The following MAOB variants were observed in gnomAD, a reference collection of about 807,000 sequenced individuals.
MAOB encodes the protein amine oxidase [flavin-containing] B.
In MAOB, 15 loss-of-function variants were observed where a neutral mutation model predicts 41.9. The ratio of observed to expected loss-of-function variants is 0.36; its 90% CI spans 0.24 to 0.55. MAOB has a LOEUF of 0.55. Among genes scored for constraint, MAOB ranks in the 20% least tolerant of loss-of-function variants. The pLI is 0.86. For synonymous variants in MAOB, 167 were observed against 144.2 expected (o/e 1.16, Z -1.13); for missense variants, 345 against 398.7 (o/e 0.87, Z 1.15).
intron 8 of MAOB, among the ~76,000 whole-genome samples, chrX:43,788,861 T>C (rs1460834397): frequency 3.6e-5 from 4 of 111,516 alleles, no homozygotes; most frequent in Non-Finnish European, 7.5e-5. Context: ...ATTTCCAGTA[T>C]ATATAGTTCT....
chrX:43,844,574 G>A (rs12115950), intron 1 of MAOB: 12 of 112,408 alleles, frequency 1.1e-4, no homozygotes, highest in African/African-American at 3.9e-4. Context: ...ACTGGCATGG[G>A]AGTTGGCAGA....
intron 3 of MAOB, among the ~76,000 whole-genome samples, chrX:43,829,702 C>T (rs1470554602): frequency 7.1e-5 from 8 of 112,050 alleles, no homozygotes; most frequent in African/African-American, 2.6e-4. Context: ...TTTGTGATGA[C>T]AGATGTTTGA....
rs74980273 is a variant in MAOB, at chrX:43,780,361, G to A, written c.1060C>T (p.Arg354Cys). The change falls in exon 10 of 15, where the codon CGT (arginine) becomes TGT (cysteine). Residue 354 changes from arginine to cysteine, a missense_variant. Arg to Cys is a radical substitution (Grantham distance 180, BLOSUM62 -3). Transcript: ENST00000378069. Reference sequence around the variant, plus strand: ...TGTTACCTTTCCTCTTTGGTAAGACGTGCCAGTTTTCTGGCTTTGTGGGCC... The same window carrying A: ...TGTTACCTTTCCTCTTTGGTAAGACATGCCAGTTTTCTGGCTTTGTGGGCC... ...ILAHKARKLA[R>C]LTKEERLKKL... 8.3e-6 allele frequency: 10 copies of A among 1,202,867 alleles called. No homozygotes were observed. Among genetic ancestry groups the A allele is most frequent in the East Asian group, 5.9e-5 (2 of 33,657 alleles).
At chrX:43,821,934 G>A (rs1030005639) in intron 3 of MAOB, among the ~76,000 whole-genome samples, 4 of 111,885 alleles carry the variant, frequency 3.6e-5, no homozygotes, top group African/African-American at 9.7e-5. Context: ...AAGCTTCTAC[G>A]AAGCATTAAA....
intron 12 of MAOB, 122 bp from the exon 13 acceptor site, chrX:43,769,540 A>G (rs1360383635): frequency 1.0e-6 from 1 of 1,001,706 alleles, no homozygotes; most frequent in African/African-American, 2.0e-5. Context: ...GACATTGGCA[A>G]TTTTGGAATA....
chrX:43,825,157 C>A (rs2034930406), intron 3 of MAOB, among the ~76,000 whole-genome samples: 1 of 111,894 alleles, frequency 8.9e-6, no homozygotes, highest in Admixed American at 9.5e-5. Flanking sequence ...TGACATCGGA[C>A]ATTAAGTATT....
intron 1 of MAOB, chrX:43,844,328 G>A (rs2035175133): frequency 8.9e-6 from 1 of 111,891 alleles, no homozygotes; most frequent in African/African-American, 3.3e-5. Context: ...TTCCATTCAT[G>A]ACTAATTTAA....
intron 3 of MAOB, among the ~76,000 whole-genome samples, chrX:43,823,362 G>T (rs764003124): frequency 9.2e-6 from 1 of 108,478 alleles, no homozygotes; most frequent in Non-Finnish European, 1.9e-5. Context: ...TAGTAGAAAC[G>T]GGGTTTCACC....
intron 3 of MAOB, among the ~76,000 whole-genome samples, chrX:43,835,012 T>G (rs2035056717): frequency 8.9e-6 from 1 of 112,154 alleles, no homozygotes; most frequent in Non-Finnish European, 1.9e-5. Flanking sequence ...AGACTTTACT[T>G]TCAAATTTCA....
At chrX:43,859,565 A>T (rs908332999) in intron 1 of MAOB, among the ~76,000 whole-genome samples, 1 of 111,122 alleles carries the variant, frequency 9.0e-6, no homozygotes, top group African/African-American at 3.3e-5. Context: ...TCCATAATCA[A>T]CCCGCCTATA....
intron 2 of MAOB, among the ~76,000 whole-genome samples, chrX:43,842,501 G>A (rs138933905): frequency 8.9e-6 from 1 of 112,475 alleles, no homozygotes; most frequent in Non-Finnish European, 1.9e-5. Flanking sequence ...ACAGTATGGA[G>A]GTTCCTCAGA....
chrX:43,857,358 T>C (rs1050545463), intron 1 of MAOB, among the ~76,000 whole-genome samples: 1 of 107,252 alleles, frequency 9.3e-6, no homozygotes, highest in Non-Finnish European at 1.9e-5. Context: ...TTTTGTATTT[T>C]TAGTAGAGAT....
chrX:43,841,175 A>G (rs1474678441), intron 2 of MAOB, among the ~76,000 whole-genome samples: 4 of 111,847 alleles, frequency 3.6e-5, no homozygotes, highest in Non-Finnish European at 7.5e-5. Flanking sequence ...TGTAGCTTCT[A>G]TATCTATTAT....
chrX:43,857,807 C>G (rs1262750736), intron 1 of MAOB, among the ~76,000 whole-genome samples: 3 of 111,881 alleles, frequency 2.7e-5, no homozygotes, highest in Non-Finnish European at 5.6e-5. Flanking sequence ...ACCCAAAAGT[C>G]CCAGGGAGCT....
intron 8 of MAOB, among the ~76,000 whole-genome samples, chrX:43,782,755 A>G (rs979789986): frequency 8.9e-6 from 1 of 111,851 alleles, no homozygotes; most frequent in Admixed American, 9.5e-5. Flanking sequence ...AAATACTAGC[A>G]AACTGAATCT....
In MAOB at chrX:43,807,376, G is replaced by C. The variant is rs139413573; in HGVS notation, c.280-3972C>G. On this transcript the variant is annotated intron_variant, in intron 3 of 14. Coordinates refer to ENST00000378069, the MANE Select transcript of MAOB (RefSeq NM_000898.5). ...TATTGACTCCATCGTCTTCTTCCAG[G>C]AAGTATGCCCAGATTAGCATAAACA... 5.5e-3 allele frequency among the ~76,000 whole-genome samples: 619 copies of C among 112,309 alleles called. 3 individuals carry two copies. The highest frequency in any genetic ancestry group is 0.019 in the African/African-American group (584 of 30,932).
rs372752419 is a variant in MAOB, at chrX:43,781,578, T to A, written c.929-34A>T. The A allele has an allele frequency of 2.4e-5, 19 of 786,430 alleles. No individual in the cohort carries two copies. The African/African-American group carries it at 3.7e-4, about 15-fold the overall frequency. The allele number at this position is 786,430 out of a possible 1,213,427, so 64.8% of individuals were successfully genotyped here. ...ACAGCAAAATGGAAGAGCATATTCA[T>A]CACTCTATCAAAATATCCATTACAG... On this transcript the variant is annotated intron_variant, in intron 8 of 14. Transcript: ENST00000378069.
chrX:43,768,558 A>C, intron 14 of MAOB, 96 bp downstream of exon 14: 1 of 673,300 alleles, frequency 1.5e-6, no homozygotes, highest in Non-Finnish European at 2.3e-6. Flanking sequence ...TGAATCACTT[A>C]GGAAAAGGTA....
intron 14 of MAOB, 150 bp downstream of exon 14, chrX:43,768,504 A>G (rs993235764): frequency 2.2e-6 from 1 of 456,566 alleles, no homozygotes; most frequent in Non-Finnish European, 3.8e-6. Context: ...CCTCTACCCT[A>G]ACCCATGATA....
Sources: allele counts gnomAD v4.1 joint callset (sites outside exome capture counted in the v4.1 genomes callset), GRCh38; gene constraint gnomAD v4.1.1; transcripts MANE v1.5; gene names NCBI Gene and HGNC (gene_info 2026-07-23, HGNC 2026-07-21).